Variants in DNAJC18 observed in about 807,000 individuals in gnomAD.
The protein encoded by DNAJC18 is dnaJ homolog subfamily C member 18.
Under a neutral mutation model 48.6 loss-of-function variants are expected in DNAJC18, and 40 were observed. The ratio of observed to expected loss-of-function variants is 0.82; its 90% CI spans 0.64 to 1.07. The LOEUF is 1.07. DNAJC18 is among the 50% of genes least tolerant of loss of function. DNAJC18 has a pLI of 0.00. For synonymous variants in DNAJC18, 135 were observed against 152.2 expected (o/e 0.89, Z 0.83); for missense variants, 340 against 427.7 (o/e 0.79, Z 1.81).
rs1015200318 is a variant in DNAJC18, at chr5:139,426,314, T to C, written c.417A>G (p.Arg139=). 4 of 1,613,998 alleles carry C rather than the reference T, an allele frequency of 2.5e-6. No individual in the cohort carries two copies. Among genetic ancestry groups the C allele is most frequent in the Admixed American group, 3.3e-5 (2 of 59,986 alleles). Residue 139 remains arginine, a synonymous_variant, in exon 4 of 8, where the codon AGA becomes AGG. Transcript: ENST00000302060. ...AFAVLSNPDK[R]LRYDEYGDEQ... ...CATCTCCGTATTCATCATAGCGAAG[T>C]CTCTTATCAGGATTGCTCAGGACTG...
In DNAJC18 at chr5:139,433,177, C is replaced by T. The variant is rs557488193; in HGVS notation, c.227+4195G>A. Reference sequence around the variant, plus strand: ...CAATATGAGATGAAAAGGTATTTTGCAAAAAGTGCAATGTTTTCTTACCTG... The same window carrying T: ...CAATATGAGATGAAAAGGTATTTTGTAAAAAGTGCAATGTTTTCTTACCTG... On this transcript the variant is annotated intron_variant, in intron 2 of 7. Transcript: ENST00000302060. Among the ~76,000 whole-genome samples the T allele has an allele frequency of 2.0e-4, 30 of 152,210 alleles. No individual in the cohort carries two copies. The South Asian group carries it at 6.0e-3, about 30-fold the overall frequency.
chr5:139,425,190 G>T, intron 4 of DNAJC18, 76 bp from the exon 5 acceptor site: 1 of 1,253,488 alleles, frequency 8.0e-7, no homozygotes, highest in Non-Finnish European at 1.1e-6. Context: ...TGGAGATGGA[G>T]TTTTGCTCTG....
At chr5:139,436,448 C>T (rs1481970284) in intron 2 of DNAJC18, among the ~76,000 whole-genome samples, 3 of 147,856 alleles carry the variant, frequency 2.0e-5, no homozygotes, top group African/African-American at 7.5e-5. Flanking sequence ...CTGATTTTAT[C>T]TAGGTTATCT....
At chr5:139,426,410 A>G in intron 3 of DNAJC18, 53 bp from the exon 4 acceptor site, 3 of 1,593,756 alleles carry the variant, frequency 1.9e-6, no homozygotes, top group Non-Finnish European at 2.6e-6. Flanking sequence ...TATGGCTGAG[A>G]GTGATCACAG....
chr5:139,415,117 C>G (rs1759053093), intron 7 of DNAJC18, among the ~76,000 whole-genome samples: 1 of 152,176 alleles, frequency 6.6e-6, no homozygotes, highest in Non-Finnish European at 1.5e-5. Context: ...AAGCCTCCAA[C>G]AGCAGGCAGC....
intron 7 of DNAJC18, among the ~76,000 whole-genome samples, chr5:139,419,582 T>C (rs530769453): frequency 6.6e-6 from 1 of 152,258 alleles, no homozygotes; most frequent in East Asian, 1.9e-4. Context: ...TGGGAAACTG[T>C]GGACCAAATC....
rs1235088289 is a variant in DNAJC18, at chr5:139,412,291, T to C, written c.*1857A>G. ...GGAATCTGTTTAATGTAGACTCTTT[T>C]TTTTTTTGAGATGGAGTGGAGTGCA... On this transcript the variant is annotated 3_prime_UTR_variant, in exon 8 of 8. Coordinates refer to ENST00000302060, the MANE Select transcript of DNAJC18 (RefSeq NM_152686.4). 1 of 156,210 alleles carries C rather than the reference T, an allele frequency of 6.4e-6. No homozygotes were observed. Among genetic ancestry groups the C allele is most frequent in the Non-Finnish European group, 1.4e-5 (1 of 70,822 alleles). 9.7% of individuals were successfully genotyped at this position (156,210 alleles called of 1,614,324 possible).
intron 2 of DNAJC18, among the ~76,000 whole-genome samples, chr5:139,430,743 G>T (rs1237832184): frequency 6.6e-6 from 1 of 151,848 alleles, no homozygotes; most frequent in Non-Finnish European, 1.5e-5. Flanking sequence ...CTAGTTTTTT[G>T]TATTTTTAGT....
At chr5:139,420,306 C>A in intron 6 of DNAJC18, 81 bp from the exon 7 acceptor site, 1 of 1,336,306 alleles carries the variant, frequency 7.5e-7, no homozygotes, top group East Asian at 2.6e-5. Flanking sequence ...CAGATATCAT[C>A]ATCATCATCT....
intron 2 of DNAJC18, among the ~76,000 whole-genome samples, chr5:139,434,068 T>A (rs1341727336): frequency 6.6e-6 from 1 of 152,166 alleles, no homozygotes; most frequent in African/African-American, 2.4e-5. Flanking sequence ...GTTTTGTATT[T>A]TTAGTAGAGA....
chr5:139,428,521 T>C lies in DNAJC18; in HGVS notation c.373+17A>G, dbSNP rs756255033. On this transcript the variant is annotated intron_variant, in intron 3 of 7. Transcript: ENST00000302060. The stretch of plus-strand genomic sequence containing the variant: ...ACCATGACAAGGGCACCATTGAGCA[T>C]TGGTTCAGGATCAGACCTTTGAAAG... 5.2e-5 allele frequency: 83 copies of C among 1,601,092 alleles called. No individual in the cohort carries two copies. The Admixed American group carries it at 1.4e-3, about 27-fold the overall frequency.
At position 139,426,254 on chromosome 5, in the gene DNAJC18, A is replaced by C; in HGVS notation, c.477T>G (p.Pro159=). Residue 159 remains proline, a synonymous_variant, in exon 4 of 8, where the codon CCT becomes CCG. Transcript: ENST00000302060. The stretch of plus-strand genomic sequence containing the variant: ...CTTCAAAATCCCTGTAATAATTATA[A>C]GGTCTGGCTCGAGGGGCAGTGAAAG... ...QVTFTAPRAR[P]YNYYRDFEAD... The C allele has an allele frequency of 6.2e-7, 1 of 1,614,238 alleles. No individual in the cohort carries two copies. Among genetic ancestry groups the C allele is most frequent in the Non-Finnish European group, 8.5e-7 (1 of 1,180,042 alleles).
In DNAJC18 at chr5:139,420,107, C is replaced by G; in HGVS notation, c.898G>C (p.Glu300Gln). ...TGGATATAATCAATGTAATCCTTCT[C>G]TATTGTTTTCTCCAAGTCATGCAGA... ...ASLHDLEKTI[E>Q]KDYIDYIQTS... The change falls in exon 7 of 8, where the codon GAG (glutamate) becomes CAG (glutamine). Residue 300 changes from glutamate to glutamine, a missense_variant. Transcript: ENST00000302060. The G allele has an allele frequency of 6.2e-7, 1 of 1,607,734 alleles. No homozygotes were observed. Among genetic ancestry groups the G allele is most frequent in the Non-Finnish European group, 8.5e-7 (1 of 1,178,194 alleles).
rs1323237247 is a variant in DNAJC18 at position 139,428,656 on chromosome 5, T to G, written c.255A>C (p.Glu85Asp). The G allele has an allele frequency of 6.2e-7, 1 of 1,612,132 alleles. No homozygotes were observed. Among genetic ancestry groups the G allele is most frequent in the African/African-American group, 1.3e-5 (1 of 74,666 alleles). ...QRIKKCRNYYEILGVSRDASD... is the reference protein window; with the variant it reads ...QRIKKCRNYYDILGVSRDASD... ...TAGCATCTCGAGAAACTCCCAGAAT[T>G]TCATAGTAATTTCTGCATTTCTTGA... The change falls in exon 3 of 8, where the codon GAA (glutamate) becomes GAC (aspartate). Residue 85 changes from glutamate to aspartate, a missense_variant. By Grantham distance (45) the Glu-to-Asp change is conservative. Transcript: ENST00000302060.
intron 7 of DNAJC18, among the ~76,000 whole-genome samples, chr5:139,415,569 G>A (rs1477987388): frequency 6.6e-6 from 1 of 152,226 alleles, no homozygotes; most frequent in East Asian, 1.9e-4. Context: ...GAGGGTGCCT[G>A]CAGCGCCTGC....
chr5:139,422,045 G>A (rs1467775379), intron 6 of DNAJC18, among the ~76,000 whole-genome samples: 1 of 152,026 alleles, frequency 6.6e-6, no homozygotes, highest in African/African-American at 2.4e-5. Flanking sequence ...ATAATCTAGA[G>A]GGTTTTTTAA....
rs1333532448 is a variant in DNAJC18, at chr5:139,439,106, C to A, written c.40+300G>T. On this transcript the variant is annotated intron_variant, in intron 1 of 7. Coordinates refer to ENST00000302060, the MANE Select transcript of DNAJC18 (RefSeq NM_152686.4). This position sits in a 1 kb window ranked among gnomAD's most constrained non-coding sequence, Gnocchi z 4.1. ...AAGCTGCGGAGAGACCGCAGCACCCCACGGGCCCTCCAGTCACCTTGGCAT... is the reference window on the plus strand; with the variant it reads ...AAGCTGCGGAGAGACCGCAGCACCCAACGGGCCCTCCAGTCACCTTGGCAT... Among the ~76,000 whole-genome samples the A allele has an allele frequency of 6.6e-6, 1 of 152,134 alleles. No individual in the cohort carries two copies. The highest frequency in any genetic ancestry group is 2.1e-4 in the South Asian group (1 of 4,834).
At chr5:139,427,951 T>C (rs1759268173) in intron 3 of DNAJC18, among the ~76,000 whole-genome samples, 1 of 152,178 alleles carries the variant, frequency 6.6e-6, no homozygotes, top group Admixed American at 6.5e-5. Context: ...CTGAAGATCT[T>C]TGCCTGTAAC....
chr5:139,424,817 G>T (rs1429586636), intron 5 of DNAJC18, among the ~76,000 whole-genome samples, 188 bp downstream of exon 5: 3 of 151,204 alleles, frequency 2.0e-5, no homozygotes, highest in African/African-American at 7.3e-5. Flanking sequence ...TGGGCAGAGG[G>T]AGGGGATACC....
Sources: allele counts gnomAD v4.1 joint callset (sites outside exome capture counted in the v4.1 genomes callset), GRCh38; gene constraint gnomAD v4.1.1; non-coding constraint Gnocchi (gnomAD v3.1); transcripts MANE v1.5; gene names NCBI Gene and HGNC (gene_info 2026-07-23, HGNC 2026-07-21).